TLE4: variants seen among roughly 807,000 people sequenced by gnomAD.
TLE4 encodes the protein transducin-like enhancer protein 4.
A neutral mutation model predicts 92.8 loss-of-function variants in TLE4; 8 were observed. The observed-to-expected ratio is 0.09, with a 90% CI of 0.05 to 0.16. The LOEUF is 0.16. Ranked by LOEUF, TLE4 falls within the 10% of genes least tolerant of loss-of-function variation. The pLI is 1.00. For missense variants in TLE4, 675 were observed against 997.6 expected (o/e 0.68, Z 4.36); for synonymous variants, 371 against 374.1 (o/e 0.99, Z 0.10).
intron 8 of TLE4, among the ~76,000 whole-genome samples, chr9:79,689,126 T>C (rs532715008): frequency 6.6e-6 from 1 of 152,248 alleles, no homozygotes; most frequent in Non-Finnish European, 1.5e-5. Flanking sequence ...TAATTTCTGA[T>C]AGGCATATTT....
In TLE4 at chr9:79,706,025, T is replaced by C. The variant is rs1477731980; in HGVS notation, c.783+83T>C. ...GCCCAAACAATTAGTATCCAAAATA[T>C]CTTGAGGTTTGTCGTTTTGTTATTG... is the stretch of plus-strand genomic sequence containing the variant. On this transcript the variant is annotated intron_variant, in intron 10 of 19. Transcript: ENST00000376552. 30 of 1,292,256 alleles carry C rather than the reference T, an allele frequency of 2.3e-5. No homozygotes were observed. The East Asian group carries it at 6.2e-4, about 27-fold the overall frequency. The allele number at this position is 1,292,256 out of a possible 1,614,324, so 80.0% of individuals were successfully genotyped here.
At chr9:79,684,280 G>C (rs2065319562) in intron 8 of TLE4, among the ~76,000 whole-genome samples, 1 of 152,112 alleles carries the variant, frequency 6.6e-6, no homozygotes, top group South Asian at 2.1e-4. Context: ...AGTCAGCTGG[G>C]TGGTCTAGAA....
At chr9:79,699,323 T>C in intron 8 of TLE4, among the ~76,000 whole-genome samples, 1 of 152,198 alleles carries the variant, frequency 6.6e-6, no homozygotes, top group Non-Finnish European at 1.5e-5. Context: ...TCCACCCCTG[T>C]CCCCATCACC....
intron 6 of TLE4, among the ~76,000 whole-genome samples, chr9:79,646,910 A>G (rs1032209228): frequency 2.0e-5 from 3 of 152,196 alleles, no homozygotes; most frequent in Non-Finnish European, 4.4e-5. Flanking sequence ...ACTGATAAAC[A>G]TGAATTTATG....
intron 4 of TLE4, among the ~76,000 whole-genome samples, chr9:79,596,165 G>A (rs1024136772): frequency 1.3e-5 from 2 of 152,026 alleles, no homozygotes; most frequent in African/African-American, 4.8e-5. Flanking sequence ...CTACTTAATC[G>A]AAGAGAACAT....
chr9:79,643,331 C>T (rs1164691001), intron 6 of TLE4, among the ~76,000 whole-genome samples: 1 of 152,184 alleles, frequency 6.6e-6, no homozygotes, highest in Non-Finnish European at 1.5e-5. Flanking sequence ...CAGTGTGCTT[C>T]TTCTATGAAC....
At chr9:79,616,693 C>T (rs1465349260) in intron 5 of TLE4, among the ~76,000 whole-genome samples, 1 of 152,132 alleles carries the variant, frequency 6.6e-6, no homozygotes, top group Non-Finnish European at 1.5e-5. Context: ...CTTAGTAAAA[C>T]TGAGGATTGC....
At chr9:79,666,599 T>G (rs2061450008) in intron 8 of TLE4, among the ~76,000 whole-genome samples, 1 of 152,222 alleles carries the variant, frequency 6.6e-6, no homozygotes, top group Non-Finnish European at 1.5e-5. Flanking sequence ...ACTAGGCTGG[T>G]AAATAGCCAT....
chr9:79,679,387 T>C, intron 8 of TLE4, among the ~76,000 whole-genome samples: 1 of 152,212 alleles, frequency 6.6e-6, no homozygotes, highest in Non-Finnish European at 1.5e-5. Context: ...TGAGCATTTT[T>C]TCATGTGTTT....
At position 79,598,131 on chromosome 9, in the gene TLE4, C is replaced by G. The variant is rs113662802; in HGVS notation, c.253-14525C>G. Among the ~76,000 whole-genome samples the G allele has an allele frequency of 3.1e-3, 456 of 148,558 alleles. 4 individuals are homozygous for G. The highest frequency in any genetic ancestry group is 9.4e-3 in the African/African-American group (383 of 40,546). ...AGGCGTGGTGGCATGTGCCTGTAATCTCAGCTGCTCGGGAGGCTGAGGCAA... is the reference window on the plus strand; with the variant it reads ...AGGCGTGGTGGCATGTGCCTGTAATGTCAGCTGCTCGGGAGGCTGAGGCAA... On this transcript the variant is annotated intron_variant, in intron 4 of 19. Coordinates refer to ENST00000376552, the MANE Select transcript of TLE4 (RefSeq NM_007005.6).
intron 6 of TLE4, 152 bp from the exon 7 acceptor site, chr9:79,652,441 C>G (rs2059172191): frequency 1.4e-6 from 1 of 732,866 alleles, no homozygotes; most frequent in African/African-American, 1.8e-5. Context: ...CCTGCCTCGG[C>G]CTCCCAAAGT....
intron 4 of TLE4, among the ~76,000 whole-genome samples, chr9:79,583,330 G>C (rs982662325): frequency 3.3e-5 from 5 of 152,136 alleles, no homozygotes; most frequent in African/African-American, 9.7e-5. Flanking sequence ...GAAGTACTCT[G>C]GGATACCCCT....
intron 14 of TLE4, among the ~76,000 whole-genome samples, chr9:79,712,334 A>G (rs2073517824): frequency 6.6e-6 from 1 of 152,336 alleles, no homozygotes; most frequent in Admixed American, 6.5e-5. Flanking sequence ...TTATATGCAT[A>G]CAGAGATAAT....
chr9:79,651,280 A>G (rs1246080696), intron 6 of TLE4, among the ~76,000 whole-genome samples: 1 of 152,064 alleles, frequency 6.6e-6, no homozygotes. Flanking sequence ...AGGGATTCCT[A>G]TTGAGTAATA....
chr9:79,600,568 G>A (rs1234213154), intron 4 of TLE4, among the ~76,000 whole-genome samples: 1 of 152,172 alleles, frequency 6.6e-6, no homozygotes, highest in Non-Finnish European at 1.5e-5. Context: ...ATTCAGACAG[G>A]TTTGTCAGGG....
intron 6 of TLE4, among the ~76,000 whole-genome samples, chr9:79,651,589 C>G (rs2059005344): frequency 6.6e-6 from 1 of 152,202 alleles, no homozygotes; most frequent in Admixed American, 6.5e-5. Context: ...AGGCCTCTAG[C>G]TTTTCATTCG....
At chr9:79,611,802 T>C (rs1400306247) in intron 4 of TLE4, among the ~76,000 whole-genome samples, 2 of 152,000 alleles carry the variant, frequency 1.3e-5, no homozygotes, top group Non-Finnish European at 2.9e-5. Flanking sequence ...AGTAACTTTT[T>C]AAAGAAAACA....
At chr9:79,592,708 A>G (rs922585764) in intron 4 of TLE4, among the ~76,000 whole-genome samples, 7 of 152,222 alleles carry the variant, frequency 4.6e-5, no homozygotes, top group African/African-American at 1.4e-4. Flanking sequence ...AGAAGTAGGT[A>G]CAGAATACTC....
intron 8 of TLE4, among the ~76,000 whole-genome samples, chr9:79,662,774 C>A (rs1247215292): frequency 6.6e-6 from 1 of 152,152 alleles, no homozygotes; most frequent in Non-Finnish European, 1.5e-5. Context: ...GGCTGGTTGT[C>A]GCATAAAGGA....
Sources: allele counts gnomAD v4.1 joint callset (sites outside exome capture counted in the v4.1 genomes callset), GRCh38; gene constraint gnomAD v4.1.1; transcripts MANE v1.5; gene names NCBI Gene and HGNC (gene_info 2026-07-23, HGNC 2026-07-21).